Variants in NHS observed in about 807,000 individuals in gnomAD.
NHS encodes the protein NHS actin remodeling regulator.
NHS carries 5 observed loss-of-function variants against 72.5 expected under a neutral mutation model. That is an observed-to-expected ratio of 0.07 (90% CI 0.04 to 0.14). NHS has a LOEUF of 0.14. Ranked by LOEUF, NHS falls within the 10% of genes least tolerant of loss-of-function variation. NHS has a pLI of 1.00. For missense variants in NHS, 1,072 were observed against 1,355.7 expected (o/e 0.79, Z 3.29); for synonymous variants, 464 against 547.7 (o/e 0.85, Z 2.13).
chrX:17,537,737 T>C (rs1415258763), intron 1 of NHS, among the ~76,000 whole-genome samples: 1 of 110,318 alleles, frequency 9.1e-6, no homozygotes, highest in African/African-American at 3.3e-5. Flanking sequence ...GAGGCGGGAG[T>C]GGGGACTGTC....
intron 1 of NHS, among the ~76,000 whole-genome samples, chrX:17,464,085 G>A (rs746106031): frequency 2.7e-5 from 3 of 111,737 alleles, no homozygotes; most frequent in African/African-American, 9.8e-5. Context: ...GCTGGCTTTG[G>A]GGAAAAGGTG....
chrX:17,603,804 G>A (rs2065664720), intron 1 of NHS, among the ~76,000 whole-genome samples: 1 of 111,444 alleles, frequency 9.0e-6, no homozygotes, highest in African/African-American at 3.3e-5. Flanking sequence ...CAGTAAGAGG[G>A]GGCACATATT....
chrX:17,376,332 C>T lies in NHS; in HGVS notation c.565+10C>T, dbSNP rs916194403. The T allele has an allele frequency of 2.6e-6, 3 of 1,141,374 alleles. No individual in the cohort carries two copies. The highest frequency in any genetic ancestry group is 3.5e-6 in the Non-Finnish European group (3 of 860,876). 94.1% of individuals were successfully genotyped at this position (1,141,374 alleles called of 1,213,427 possible). A position where few individuals can be genotyped will look rare whatever the true frequency, so the allele number is the denominator to read the frequency against. The stretch of plus-strand genomic sequence containing the variant: ...AAGCAGGAGGCAGTGCGTGAGTACC[C>T]GCGCCGTCCGCCCGCCAGGCTATGG... On this transcript the variant is annotated intron_variant, in intron 1 of 8. Coordinates refer to ENST00000676302, the MANE Select transcript of NHS (RefSeq NM_001291867.2).
chrX:17,657,476 G>T (rs1260450654), intron 1 of NHS, among the ~76,000 whole-genome samples: 1 of 112,604 alleles, frequency 8.9e-6, no homozygotes, highest in Non-Finnish European at 1.9e-5. Flanking sequence ...TATTAGAGGG[G>T]TGGGGTCTCC....
intron 1 of NHS, among the ~76,000 whole-genome samples, chrX:17,612,878 C>T (rs1321506854): frequency 9.0e-6 from 1 of 111,406 alleles, no homozygotes; most frequent in African/African-American, 3.3e-5. Flanking sequence ...TCAAACAGAG[C>T]CTTGCAAGGC....
chrX:17,640,771 G>C (rs1196787436), intron 1 of NHS, among the ~76,000 whole-genome samples: 2 of 112,617 alleles, frequency 1.8e-5, no homozygotes, highest in Non-Finnish European at 3.7e-5. Flanking sequence ...GCAAGTAAGA[G>C]CTGGATGATT....
At chrX:17,583,293 T>C (rs1173837343) in intron 1 of NHS, among the ~76,000 whole-genome samples, 1 of 111,249 alleles carries the variant, frequency 9.0e-6, no homozygotes, top group Non-Finnish European at 1.9e-5. Context: ...CAGGTGGCGG[T>C]AAGTGCTATG....
At chrX:17,679,074 AT>A (rs2066106554) in intron 1 of NHS, among the ~76,000 whole-genome samples, 1 of 110,913 alleles carries the variant, frequency 9.0e-6, no homozygotes, top group Non-Finnish European at 1.9e-5. Flanking sequence ...CTTCTAAAAT[AT>A]CATCAGGCCC....
At chrX:17,391,100 G>A in intron 1 of NHS, among the ~76,000 whole-genome samples, 1 of 111,767 alleles carries the variant, frequency 8.9e-6, no homozygotes, top group East Asian at 2.8e-4. Flanking sequence ...ATCAATTTAT[G>A]CTTTGCTGTC....
intron 1 of NHS, among the ~76,000 whole-genome samples, chrX:17,640,695 A>G (rs924102444): frequency 1.8e-5 from 2 of 112,464 alleles, no homozygotes; most frequent in Non-Finnish European, 3.8e-5. Flanking sequence ...GCCATGGATG[A>G]CATTTGGCCA....
Position 17,603,700 on chromosome X carries a change from C to T in NHS, c.566-84042C>T, listed in dbSNP as rs767008869. On this transcript the variant is annotated intron_variant, in intron 1 of 8. Transcript: ENST00000676302. ...AAAAGGTGTTTCTATGACTTCACAC[C>T]GTGGCTCAACACCACCTTAACATTA... is the stretch of plus-strand genomic sequence containing the variant. Among the ~76,000 whole-genome samples the T allele has an allele frequency of 1.2e-4, 13 of 111,947 alleles. No individual in the cohort carries two copies. In the South Asian group the frequency reaches 2.6e-3, roughly 23 times the overall value.
intron 1 of NHS, among the ~76,000 whole-genome samples, chrX:17,405,105 G>A (rs146544682): frequency 0.032 from 3,622 of 111,702 alleles, 156 homozygotes; most frequent in African/African-American, 0.11. Context: ...CTTTCATTTT[G>A]TAGTTTTCTT....
At chrX:17,399,515 A>G (rs1017196735) in intron 1 of NHS, among the ~76,000 whole-genome samples, 3 of 111,806 alleles carry the variant, frequency 2.7e-5, no homozygotes, top group African/African-American at 9.8e-5. Flanking sequence ...CAGTCTTTCC[A>G]TCAACAACTC....
chrX:17,552,128 C>T (rs1232165942), intron 1 of NHS, among the ~76,000 whole-genome samples: 2 of 111,709 alleles, frequency 1.8e-5, no homozygotes, highest in Non-Finnish European at 3.8e-5. Flanking sequence ...CTTTAAAGAT[C>T]ACACTACCTC....
chrX:17,525,638 C>CTTTTTTTTTTTTT (rs1162709869), intron 1 of NHS, among the ~76,000 whole-genome samples: 1 of 53,060 alleles, frequency 1.9e-5, no homozygotes, highest in Non-Finnish European at 3.6e-5. Context: ...TCTTTCTTTT[C>CTTTTTTTTTTTTT]TTTTTTTTTT....
intron 1 of NHS, among the ~76,000 whole-genome samples, chrX:17,516,571 G>GCACACACA (rs765423925): frequency 2.7e-4 from 25 of 91,773 alleles, no homozygotes; most frequent in South Asian, 1.7e-3. Context: ...ACACACACGC[G>GCACACACA]CACACACACA....
Position 17,726,559 on chromosome X carries a change from C to A in NHS, c.2453C>A (p.Ser818Tyr), listed in dbSNP as rs893822536. 1 of 1,211,923 alleles carries A rather than the reference C, an allele frequency of 8.3e-7. No individual in the cohort carries two copies. The highest frequency in any genetic ancestry group is 1.1e-6 in the Non-Finnish European group (1 of 895,511). ...GPENGQGVGASPGLPDCAWQD... is the reference protein window; with the variant it reads ...GPENGQGVGAYPGLPDCAWQD... ...GAGAATGGCCAGGGTGTAGGGGCTT[C>A]CCCTGGTCTTCCAGATTGTGCCTGG... is the stretch of plus-strand genomic sequence containing the variant. The change falls in exon 7 of 9, where the codon TCC becomes TAC. Residue 818 changes from serine (S) to tyrosine (Y), a missense_variant. By Grantham distance (144) the Ser-to-Tyr change is moderately radical. Coordinates refer to ENST00000676302, the MANE Select transcript of NHS (RefSeq NM_001291867.2).
At chrX:17,406,392 G>T (rs1240046264) in intron 1 of NHS, among the ~76,000 whole-genome samples, 1 of 111,113 alleles carries the variant, frequency 9.0e-6, no homozygotes, top group Non-Finnish European at 1.9e-5. Flanking sequence ...CCTCAACACT[G>T]GCCATTTATT....
At chrX:17,506,565 A>ATAAATAAGTAAG (rs1555999267) in intron 1 of NHS, among the ~76,000 whole-genome samples, 4 of 101,851 alleles carry the variant, frequency 3.9e-5, no homozygotes. Flanking sequence ...AAATAAATAA[A>ATAAATAAGTAAG]TAAGTAAATA....
Sources: gnomAD v4.1 joint callset for allele counts (sites outside exome capture counted in the v4.1 genomes callset) on GRCh38, gnomAD v4.1.1 for gene constraint, MANE v1.5 for transcripts, NCBI Gene and HGNC (gene_info 2026-07-23, HGNC 2026-07-21) for gene names.